Variants in RPTOR observed in about 807,000 individuals in gnomAD.
RPTOR encodes regulatory-associated protein of mTOR.
In RPTOR, 21 loss-of-function variants were observed where a neutral mutation model predicts 169.9. The ratio of observed to expected loss-of-function variants is 0.12; its 90% CI spans 0.09 to 0.18. RPTOR has a LOEUF of 0.18. Among genes scored for constraint, RPTOR ranks in the 10% least tolerant of loss-of-function variants. The pLI, the probability that RPTOR is intolerant of heterozygous loss-of-function variation, is 1.00. For missense variants in RPTOR, 1,133 were observed against 1,855.9 expected (o/e 0.61, Z 7.16); for synonymous variants, 732 against 753.2 (o/e 0.97, Z 0.46).
chr17:80,830,611 A>C (rs2067493002), intron 9 of RPTOR, among the ~76,000 whole-genome samples: 2 of 152,186 alleles, frequency 1.3e-5, no homozygotes, highest in African/African-American at 4.8e-5. Flanking sequence ...TGGCTTCGAA[A>C]GGAGTTTGGT....
intron 17 of RPTOR, among the ~76,000 whole-genome samples, chr17:80,887,436 C>T (rs1007594670): frequency 3.9e-5 from 6 of 152,064 alleles, no homozygotes; most frequent in African/African-American, 1.5e-4. Context: ...AGAGTCCTGC[C>T]GCATCACAGC....
intron 4 of RPTOR, among the ~76,000 whole-genome samples, chr17:80,728,943 G>A (rs971549698): frequency 5.3e-5 from 8 of 152,212 alleles, no homozygotes; most frequent in African/African-American, 1.7e-4. Context: ...TCCACCAAAC[G>A]CGGACAGTTT....
chr17:80,709,022 A>G, intron 4 of RPTOR: 2 of 985,426 alleles, frequency 2.0e-6, no homozygotes, highest in Non-Finnish European at 2.4e-6. Context: ...CATTCGGCAC[A>G]GGTGGTGAAG....
At chr17:80,847,989 C>T (rs574595135) in intron 11 of RPTOR, among the ~76,000 whole-genome samples, 3 of 152,368 alleles carry the variant, frequency 2.0e-5, no homozygotes, top group Admixed American at 6.5e-5. Flanking sequence ...TGGCAGCCAG[C>T]GTCGCAGGCG....
intron 3 of RPTOR, among the ~76,000 whole-genome samples, chr17:80,662,549 A>G (rs2143651420): frequency 6.6e-6 from 1 of 152,008 alleles, no homozygotes; most frequent in South Asian, 2.1e-4. Flanking sequence ...GGGTGGGGCC[A>G]CAGGATGGGT....
At chr17:80,770,243 A>C (rs1057159087) in intron 6 of RPTOR, among the ~76,000 whole-genome samples, 2 of 152,022 alleles carry the variant, frequency 1.3e-5, no homozygotes, top group African/African-American at 4.8e-5. Context: ...CTAAAATCCC[A>C]CTCAGGATGG....
chr17:80,962,396 T>TC, intron 31 of RPTOR, 65 bp from the exon 32 acceptor site: 1 of 1,312,858 alleles, frequency 7.6e-7, no homozygotes, highest in Non-Finnish European at 1.1e-6. Flanking sequence ...GGTTCCACCG[T>TC]CCCCCTGGCC....
At chr17:80,961,781 CA>C in intron 31 of RPTOR, 2 of 371,970 alleles carry the variant, frequency 5.4e-6, no homozygotes, top group Non-Finnish European at 4.9e-6. Context: ...GCAGGGGTGG[CA>C]GGGTGGCAGG....
intron 1 of RPTOR, among the ~76,000 whole-genome samples, chr17:80,564,718 C>T (rs1244176732): frequency 6.6e-6 from 1 of 150,524 alleles, no homozygotes; most frequent in Admixed American, 6.7e-5. Context: ...TACCCAATAG[C>T]TTTTTTTTTC....
At chr17:80,890,348 C>T (rs370846400) in intron 17 of RPTOR, among the ~76,000 whole-genome samples, 139 of 152,294 alleles carry the variant, frequency 9.1e-4, no homozygotes, top group Middle Eastern at 3.4e-3. Flanking sequence ...AGTGGGTGTT[C>T]GCTTTGTCGG....
Position 80,923,523 on chromosome 17 carries a change from C to T in RPTOR, c.2658C>T (p.Ser886=), listed in dbSNP as rs756569297. ...GSPPASSTSS[S]SLTNDVAKQP... ...CTCCGGCGTCCAGCACCAGCAGCTC[C>T]AGCCTGACCAACGATGTGGCCAAGC... Residue 886 remains serine, a synonymous_variant, in exon 23 of 34, where the codon TCC becomes TCT. Transcript: ENST00000306801. 6.2e-7 allele frequency: 1 copy of T among 1,613,416 alleles called. No homozygotes were observed. Among genetic ancestry groups the T allele is most frequent in the East Asian group, 2.2e-5 (1 of 44,878 alleles).
Position 80,823,053 on chromosome 17 carries a change from C to T in RPTOR, c.992-26C>T. 6.2e-7 allele frequency: 1 copy of T among 1,610,730 alleles called. No individual in the cohort carries two copies. Among genetic ancestry groups the T allele is most frequent in the Non-Finnish European group, 8.5e-7 (1 of 1,178,384 alleles). On this transcript the variant is annotated intron_variant, in intron 8 of 33. Transcript: ENST00000306801. This position sits in a 1 kb window ranked among gnomAD's most constrained non-coding sequence, Gnocchi z 4.5. ...TGCTAGACACAAGTCACTGTAGACTCCTTTTTATCTTTTATCTGCCCTCAG... is the reference window on the plus strand; with the variant it reads ...TGCTAGACACAAGTCACTGTAGACTTCTTTTTATCTTTTATCTGCCCTCAG...
intron 13 of RPTOR, among the ~76,000 whole-genome samples, chr17:80,864,033 T>C (rs1037536934): frequency 6.6e-5 from 10 of 152,178 alleles, no homozygotes; most frequent in Non-Finnish European, 1.2e-4. Flanking sequence ...GCAAGTGACA[T>C]AACGTACTAT....
At chr17:80,839,954 T>C (rs2067609053) in intron 10 of RPTOR, among the ~76,000 whole-genome samples, 1 of 152,212 alleles carries the variant, frequency 6.6e-6, no homozygotes. Flanking sequence ...TTTCACCATG[T>C]TGGGGTGTCA....
chr17:80,810,663 A>C (rs549311653), intron 7 of RPTOR, among the ~76,000 whole-genome samples: 1 of 152,326 alleles, frequency 6.6e-6, no homozygotes, highest in East Asian at 1.9e-4. Flanking sequence ...TATCAGTTCT[A>C]ACGAGAAGCC....
At chr17:80,621,930 C>T (rs1389281479) in intron 1 of RPTOR, among the ~76,000 whole-genome samples, 4 of 152,232 alleles carry the variant, frequency 2.6e-5, no homozygotes, top group Non-Finnish European at 5.9e-5. Context: ...AGGGCAGCGG[C>T]GGTGGCACTT....
intron 3 of RPTOR, among the ~76,000 whole-genome samples, chr17:80,685,235 T>A (rs1268702767): frequency 1.8e-5 from 2 of 110,726 alleles, no homozygotes; most frequent in African/African-American, 1.1e-4. Flanking sequence ...GTGTGTGCAG[T>A]CTGGGAGATG....
chr17:80,864,981 C>T (rs920782255), intron 13 of RPTOR, among the ~76,000 whole-genome samples: 15 of 152,212 alleles, frequency 9.9e-5, no homozygotes, highest in African/African-American at 2.2e-4. Context: ...GCACAAGCCA[C>T]GGCACCCCAC....
intron 3 of RPTOR, among the ~76,000 whole-genome samples, chr17:80,699,790 T>C (rs915255783): frequency 6.8e-6 from 1 of 146,760 alleles, no homozygotes; most frequent in Admixed American, 6.7e-5. Context: ...GAGCAAGAGG[T>C]GCTGTGCACG....
Sources: allele counts gnomAD v4.1 joint callset (sites outside exome capture counted in the v4.1 genomes callset), GRCh38; gene constraint gnomAD v4.1.1; non-coding constraint Gnocchi (gnomAD v3.1); transcripts MANE v1.5; gene names NCBI Gene and HGNC (gene_info 2026-07-23, HGNC 2026-07-21).